The following CFAP54 variants were observed in gnomAD, a reference collection of about 807,000 sequenced individuals.
CFAP54 encodes cilia- and flagella-associated protein 54.
CFAP54 carries 290 observed loss-of-function variants against 370.4 expected under a neutral mutation model. The ratio of observed to expected loss-of-function variants is 0.78; its 90% CI spans 0.71 to 0.86. The LOEUF (loss-of-function observed/expected upper bound fraction) is 0.86, where lower values mean the gene tolerates loss of function less well. CFAP54 is among the 40% of genes least tolerant of loss of function. The probability of loss-of-function intolerance (pLI) is 0.00; values close to 1 mark genes in which losing one functional copy is unlikely to be tolerated. For missense variants in CFAP54, 3,399 were observed against 3,528.7 expected, an observed-to-expected ratio of 0.96 and a Z score of 0.93; for synonymous variants, 1,206 against 1,236.5, an observed-to-expected ratio of 0.98 and a Z score of 0.52.
chr12:96,715,212 C>A (rs115852994), intron 48 of CFAP54, among the ~76,000 whole-genome samples: 2,283 of 152,154 alleles, frequency 0.015, 73 homozygotes, highest in African/African-American at 0.053. Context: ...GGAAATGGAG[C>A]AGGACTTCTG....
intron 63 of CFAP54, among the ~76,000 whole-genome samples, chr12:96,795,211 G>C (rs556067506): frequency 1.9e-4 from 29 of 152,224 alleles, no homozygotes; most frequent in Non-Finnish European, 3.7e-4. Flanking sequence ...GTTTTGTGTT[G>C]GTTGGCCTCC....
At position 96,638,403 on chromosome 12, in the gene CFAP54, T is replaced by A. The variant is rs566615192; in HGVS notation, c.4317-5775T>A. 2.8e-3 allele frequency among the ~76,000 whole-genome samples: 391 copies of A among 141,632 alleles called. 5 individuals are homozygous for A. Among genetic ancestry groups the A allele is most frequent in the Non-Finnish European group, 1.5e-3 (96 of 63,976 alleles). 92.9% of individuals were successfully genotyped at this position (141,632 alleles called of 152,430 possible). On this transcript the variant is annotated intron_variant, in intron 32 of 67. Transcript: ENST00000524981. ...GGCATGTACCACCACACCTGGCTAA[T>A]TTTTTTTTTTTTTAATTGTAGAGAT...
intron 40 of CFAP54, among the ~76,000 whole-genome samples, chr12:96,683,480 A>G (rs201107090): frequency 6.6e-6 from 1 of 152,378 alleles, no homozygotes; most frequent in East Asian, 1.9e-4. Context: ...GAAATCATGC[A>G]GAAATACCCT....
intron 40 of CFAP54, among the ~76,000 whole-genome samples, chr12:96,680,651 TTTG>T (rs1413260935): frequency 6.6e-6 from 1 of 151,778 alleles, no homozygotes; most frequent in Non-Finnish European, 1.5e-5. Flanking sequence ...TATTTATTTG[TTTG>T]TTGTTGTTGC....
chr12:96,683,353 G>A (rs1348595459), intron 40 of CFAP54, among the ~76,000 whole-genome samples: 1 of 152,210 alleles, frequency 6.6e-6, no homozygotes, highest in Non-Finnish European at 1.5e-5. Context: ...TATCAACATG[G>A]TTAAGTTTTG....
intron 63 of CFAP54, among the ~76,000 whole-genome samples, chr12:96,797,249 G>A (rs1036578412): frequency 2.6e-5 from 4 of 151,836 alleles, no homozygotes; most frequent in African/African-American, 4.8e-5. Context: ...CACCAGGAAA[G>A]TGTTAATTGT....
At chr12:96,521,138 C>T (rs558470015) in intron 6 of CFAP54, among the ~76,000 whole-genome samples, 1 of 152,042 alleles carries the variant, frequency 6.6e-6, no homozygotes, top group Non-Finnish European at 1.5e-5. Context: ...TGTAACCCTT[C>T]ATATATGTTA....
At chr12:96,839,687 C>G (rs1450606298) in intron 66 of CFAP54, among the ~76,000 whole-genome samples, 1 of 152,204 alleles carries the variant, frequency 6.6e-6, no homozygotes, top group Admixed American at 6.5e-5. Context: ...CTCCAAGATA[C>G]CTGGGACATG....
chr12:96,536,834 C>A (rs898954087), intron 12 of CFAP54, among the ~76,000 whole-genome samples: 1 of 152,088 alleles, frequency 6.6e-6, no homozygotes, highest in Non-Finnish European at 1.5e-5. Flanking sequence ...CCATGTTGTA[C>A]AGGCTGGTCT....
At chr12:96,557,289 C>G (rs189113143) in intron 17 of CFAP54, among the ~76,000 whole-genome samples, 1 of 152,100 alleles carries the variant, frequency 6.6e-6, no homozygotes, top group Admixed American at 6.5e-5. Context: ...ACAAAAATTC[C>G]AAAACATCAA....
chr12:96,640,065 G>A (rs1956707095), intron 32 of CFAP54, among the ~76,000 whole-genome samples: 1 of 152,144 alleles, frequency 6.6e-6, no homozygotes, highest in South Asian at 2.1e-4. Flanking sequence ...CATAGTGTTG[G>A]AAGTTCTGGC....
chr12:96,512,228 A>G (rs1463007143), intron 4 of CFAP54, among the ~76,000 whole-genome samples: 1 of 148,222 alleles, frequency 6.7e-6, no homozygotes, highest in Admixed American at 6.8e-5. Context: ...CATGCTGATT[A>G]AATATGTATT....
chr12:96,682,397 TCA>T, intron 40 of CFAP54: 5 of 778,260 alleles, frequency 6.4e-6, no homozygotes, highest in Non-Finnish European at 7.8e-6. Flanking sequence ...AGACGAGGTC[TCA>T]TTTTGTCATC....
intron 15 of CFAP54, 75 bp downstream of exon 15, chr12:96,548,053 A>G: frequency 3.3e-6 from 2 of 597,420 alleles, no homozygotes; most frequent in South Asian, 5.1e-5. Flanking sequence ...TTGTAAATGC[A>G]TAATGGTTAA....
intron 27 of CFAP54, 70 bp downstream of exon 27, chr12:96,621,791 T>C: frequency 8.6e-7 from 1 of 1,158,180 alleles, no homozygotes; most frequent in Non-Finnish European, 1.1e-6. Context: ...TGTAGTATTA[T>C]TAAACATATT....
intron 67 of CFAP54, among the ~76,000 whole-genome samples, chr12:96,867,660 A>G (rs1219015844): frequency 6.6e-6 from 1 of 152,248 alleles, no homozygotes; most frequent in Non-Finnish European, 1.5e-5. Flanking sequence ...AGTCAGGCAC[A>G]GAAAGACAAA....
Position 96,640,226 on chromosome 12 carries a change from CAA to C in CFAP54, c.4317-3950_4317-3949del, listed in dbSNP as rs1249408144. 9.8e-5 allele frequency among the ~76,000 whole-genome samples: 15 copies of C among 152,294 alleles called. No homozygotes were observed. The South Asian group carries it at 3.1e-3, about 32-fold the overall frequency. ...TCCTTAAGCTGATAGGCAACTTCAG[CAA>C]AGTCTCAGGATACGAAATCAATGTG... On this transcript the variant is annotated intron_variant, in intron 32 of 67. Transcript: ENST00000524981.
chr12:96,566,523 G>C (rs1327050338), intron 19 of CFAP54, among the ~76,000 whole-genome samples: 2 of 152,132 alleles, frequency 1.3e-5, no homozygotes, highest in African/African-American at 2.4e-5. Flanking sequence ...TGAGTTAAAA[G>C]TTTATGGCTT....
rs774759660 is a variant in CFAP54, at chr12:96,837,497, G to T, written c.9171+8409G>T. 5.9e-3 allele frequency among the ~76,000 whole-genome samples: 906 copies of T among 152,286 alleles called. 3 individuals are homozygous for T. Among genetic ancestry groups the T allele is most frequent in the Non-Finnish European group, 9.5e-3 (647 of 68,032 alleles). On this transcript the variant is annotated intron_variant, in intron 66 of 67. Coordinates refer to ENST00000524981, the MANE Select transcript of CFAP54 (RefSeq NM_001306084.2). ...TAATAGTTTTTATCAAAATAAATGT[G>T]TTATTATGATGTGCTTGCATATTTG... is the stretch of plus-strand genomic sequence containing the variant.
Sources: allele counts gnomAD v4.1 joint callset (sites outside exome capture counted in the v4.1 genomes callset), GRCh38; gene constraint gnomAD v4.1.1; transcripts MANE v1.5; gene names NCBI Gene and HGNC (gene_info 2026-07-23, HGNC 2026-07-21).